The following RGS7BP variants were observed in gnomAD, a reference collection of about 807,000 sequenced individuals.
RGS7BP encodes the protein regulator of G protein signaling 7 binding protein.
In RGS7BP, 9 loss-of-function variants were observed where a neutral mutation model predicts 31.3. The observed-to-expected ratio is 0.29, with a 90% CI of 0.17 to 0.50. The LOEUF (loss-of-function observed/expected upper bound fraction) is 0.50, where lower values mean the gene tolerates loss of function less well. RGS7BP is among the 20% of genes least tolerant of loss of function. The probability of loss-of-function intolerance (pLI) is 0.98; values close to 1 mark genes in which losing one functional copy is unlikely to be tolerated. For missense variants in RGS7BP, 274 were observed against 322.0 expected (o/e 0.85, Z 1.14); for synonymous variants, 115 against 120.1 (o/e 0.96, Z 0.28).
intron 2 of RGS7BP, among the ~76,000 whole-genome samples, chr5:64,561,983 C>T (rs1048417953): frequency 3.9e-5 from 6 of 151,912 alleles, no homozygotes; most frequent in Admixed American, 1.3e-4. Flanking sequence ...TAGGTCTCCA[C>T]GGTGGAGCCA....
rs568037884 is a variant in RGS7BP, at chr5:64,564,164, T to A, written c.333-11610T>A. Among the ~76,000 whole-genome samples the A allele has an allele frequency of 2.0e-5, 3 of 152,304 alleles. No individual in the cohort carries two copies. The East Asian group carries it at 5.8e-4, about 29-fold the overall frequency. ...AAAACTTCAGTCATCTAGTCTACAATGCTACCATACTCTTAATACAGTTCC... is the reference window on the plus strand; with the variant it reads ...AAAACTTCAGTCATCTAGTCTACAAAGCTACCATACTCTTAATACAGTTCC... On this transcript the variant is annotated intron_variant, in intron 2 of 5. Coordinates refer to ENST00000334025, the MANE Select transcript of RGS7BP (RefSeq NM_001029875.3).
At chr5:64,528,666 C>G (rs1394463387) in intron 2 of RGS7BP, among the ~76,000 whole-genome samples, 1 of 151,928 alleles carries the variant, frequency 6.6e-6, no homozygotes, top group Non-Finnish European at 1.5e-5. Flanking sequence ...CAAAAATTAG[C>G]TGGGTGTGGT....
intron 2 of RGS7BP, among the ~76,000 whole-genome samples, chr5:64,569,580 T>G (rs1742256657): frequency 6.6e-6 from 1 of 152,158 alleles, no homozygotes; most frequent in Admixed American, 6.6e-5. Flanking sequence ...AATTAATAAC[T>G]GGGTTTACAC....
intron 2 of RGS7BP, among the ~76,000 whole-genome samples, chr5:64,536,530 A>G (rs1741365912): frequency 6.6e-6 from 1 of 152,210 alleles, no homozygotes. Context: ...TATCCCTGCA[A>G]TTCAGTGTGC....
At chr5:64,530,415 C>T (rs985955401) in intron 2 of RGS7BP, among the ~76,000 whole-genome samples, 1 of 152,148 alleles carries the variant, frequency 6.6e-6, no homozygotes. Flanking sequence ...AAAGTGCTTT[C>T]GTGATAAAAA....
chr5:64,545,680 C>T (rs189626227), intron 2 of RGS7BP, among the ~76,000 whole-genome samples: 105 of 152,238 alleles, frequency 6.9e-4, no homozygotes, highest in African/African-American at 2.4e-3. Context: ...AAGTAGTTAA[C>T]TGCATCTAAG....
chr5:64,586,235 CT>C (rs1431829257), intron 3 of RGS7BP, among the ~76,000 whole-genome samples: 1 of 152,134 alleles, frequency 6.6e-6, no homozygotes, highest in Non-Finnish European at 1.5e-5. Context: ...CTGCTGACTC[CT>C]TAACGTGGCT....
At position 64,606,820 on chromosome 5, in the gene RGS7BP, C is replaced by G. The variant is rs565887262; in HGVS notation, c.683-2341C>G. On this transcript the variant is annotated intron_variant, in intron 5 of 5. Transcript: ENST00000334025. The stretch of plus-strand genomic sequence containing the variant: ...TTCTTAACTATTGGGAGCAAGTTAA[C>G]TTTAAAAGAAAGATATCCTCTTTTT... 1.9e-3 allele frequency among the ~76,000 whole-genome samples: 292 copies of G among 152,190 alleles called. 1 individual carries two copies. The highest frequency in any genetic ancestry group is 2.9e-3 in the Non-Finnish European group (199 of 67,990).
chr5:64,594,761 G>T lies in RGS7BP; in HGVS notation c.515G>T (p.Ser172Ile). 1 of 1,613,818 alleles carries T rather than the reference G, an allele frequency of 6.2e-7. No homozygotes were observed. Among genetic ancestry groups the T allele is most frequent in the Non-Finnish European group, 8.5e-7 (1 of 1,179,826 alleles). The change falls in exon 4 of 6, where the codon AGT becomes ATT. Residue 172 changes from serine (S) to isoleucine (I), a missense_variant. Transcript: ENST00000334025. ...AGTTTGGATTGCAAAATTGAGGAGA[G>T]TGCTGAAACACCTGCCCTAGAAGAC... Reference protein sequence around the residue: ...TKSLDCKIEESAETPALEDSS... With the variant: ...TKSLDCKIEEIAETPALEDSS...
chr5:64,523,280 C>T (rs1418077648), intron 2 of RGS7BP, among the ~76,000 whole-genome samples: 1 of 152,162 alleles, frequency 6.6e-6, no homozygotes, highest in Non-Finnish European at 1.5e-5. Flanking sequence ...CAGGCAGCTG[C>T]CACCCAGGCT....
intron 2 of RGS7BP, among the ~76,000 whole-genome samples, chr5:64,525,329 T>TCTGAATACAGTCTAAGAA (rs1749205613): frequency 6.6e-6 from 1 of 152,182 alleles, no homozygotes; most frequent in Middle Eastern, 3.2e-3. Context: ...GAACAGCTAT[T>TCTGAATACAGTCTAAGAA]GGGACTGTAT....
intron 2 of RGS7BP, among the ~76,000 whole-genome samples, chr5:64,573,829 G>A (rs546991424): frequency 4.6e-5 from 7 of 152,026 alleles, no homozygotes; most frequent in Non-Finnish European, 8.8e-5. Flanking sequence ...AATATTTGAG[G>A]TAATAGATCT....
chr5:64,507,266 G>T (rs10064117), intron 1 of RGS7BP, among the ~76,000 whole-genome samples: 42,638 of 152,092 alleles, frequency 0.28, 6,873 homozygotes, highest in East Asian at 0.69. Context: ...CCCAGCAAAA[G>T]GTGAATGGTT....
chr5:64,588,070 A>C (rs1366315132), intron 3 of RGS7BP, among the ~76,000 whole-genome samples: 1 of 152,242 alleles, frequency 6.6e-6, no homozygotes, highest in African/African-American at 2.4e-5. Context: ...AGTGATAAAA[A>C]ATTTAAAATA....
intron 3 of RGS7BP, among the ~76,000 whole-genome samples, chr5:64,582,494 T>C (rs941447350): frequency 5.9e-5 from 9 of 152,206 alleles, no homozygotes; most frequent in African/African-American, 1.9e-4. Context: ...ACTCTGCTTG[T>C]CCTCTCTGCC....
In RGS7BP at chr5:64,506,662, GCC is replaced by G; in HGVS notation, c.39_40del (p.Ser13ArgfsTer84). On this transcript the variant is annotated frameshift_variant, in exon 1 of 6. Coordinates refer to ENST00000334025, the MANE Select transcript of RGS7BP (RefSeq NM_001029875.3). LOFTEE classifies it high-confidence loss of function. The surrounding 1 kb of genome is among the most constrained non-coding windows in gnomAD (Gnocchi z 4.6). ...CCGAATGGGCGCAAAAAGCGCCCCA[GCC>G]GGTCCACCCGCTCCTCGATCTTCCA... is the stretch of plus-strand genomic sequence containing the variant. The G allele has an allele frequency of 1.2e-6, 2 of 1,612,486 alleles. No homozygotes were observed. The highest frequency in any genetic ancestry group is 1.7e-6 in the Non-Finnish European group (2 of 1,178,826).
At chr5:64,545,293 T>C (rs1330484793) in intron 2 of RGS7BP, among the ~76,000 whole-genome samples, 1 of 151,334 alleles carries the variant, frequency 6.6e-6, no homozygotes, top group East Asian at 1.9e-4. Flanking sequence ...GGGATAGCAT[T>C]AGGAGACATA....
chr5:64,560,653 TTG>T (rs1742032389), intron 2 of RGS7BP, among the ~76,000 whole-genome samples: 1 of 152,054 alleles, frequency 6.6e-6, no homozygotes, highest in African/African-American at 2.4e-5. Context: ...TGAAGACCAC[TTG>T]TCTCAGCATA....
At chr5:64,528,576 C>G (rs377214686) in intron 2 of RGS7BP, among the ~76,000 whole-genome samples, 51 of 152,148 alleles carry the variant, frequency 3.4e-4, no homozygotes, top group African/African-American at 1.2e-3. Context: ...CTTTGGGAGG[C>G]CGAGGTGGGC....
Sources: gnomAD v4.1 joint callset for allele counts (sites outside exome capture counted in the v4.1 genomes callset) on GRCh38, gnomAD v4.1.1 for gene constraint, Gnocchi (gnomAD v3.1) non-coding constraint, MANE v1.5 for transcripts, NCBI Gene and HGNC (gene_info 2026-07-23, HGNC 2026-07-21) for gene names.